Variants in CACNB3 observed in about 807,000 individuals in gnomAD.
CACNB3 encodes the protein voltage-dependent L-type calcium channel subunit beta-3.
Under a neutral mutation model 63.7 loss-of-function variants are expected in CACNB3, and 36 were observed. The ratio of observed to expected loss-of-function variants is 0.57; its 90% CI spans 0.43 to 0.75. The LOEUF (loss-of-function observed/expected upper bound fraction) is 0.75, where lower values mean the gene tolerates loss of function less well. Among genes scored for constraint, CACNB3 ranks in the 30% least tolerant of loss-of-function variants. CACNB3 has a pLI of 0.00. For synonymous variants in CACNB3, 241 were observed against 250.6 expected, an observed-to-expected ratio of 0.96 and a Z score of 0.36; for missense variants, 493 against 648.6, an observed-to-expected ratio of 0.76 and a Z score of 2.61.
chr12:48,826,971 C>A lies in CACNB3; in HGVS notation c.991-3C>A, dbSNP rs1180417759. Reference sequence around the variant, plus strand: ...AACGTTGCGCCTTCCTCCCCCTCCCCAGGAGTCATTTGATGTGATTCTGGA... The same window carrying A: ...AACGTTGCGCCTTCCTCCCCCTCCCAAGGAGTCATTTGATGTGATTCTGGA... On this transcript the variant is annotated splice_polypyrimidine_tract_variant and splice_region_variant and intron_variant, in intron 11 of 12. Transcript: ENST00000301050. The surrounding 1 kb of genome is among the most constrained non-coding windows in gnomAD (Gnocchi z 4.8). 3 of 1,613,936 alleles carry A rather than the reference C, an allele frequency of 1.9e-6. No homozygotes were observed. In the African/African-American group the frequency reaches 4.0e-5, roughly 22 times the overall value.
At chr12:48,815,363 T>G, upstream of CACNB3, 1 of 390,270 alleles carries the variant, frequency 2.6e-6, no homozygotes, top group Non-Finnish European at 4.7e-6. Context: ...GACGTGGGGA[T>G]GGAAGGACAG....
chr12:48,826,435 G>A lies in CACNB3; in HGVS notation c.811G>A (p.Ala271Thr), dbSNP rs748818201. Residue 271 changes from alanine (A) to threonine (T), a missense_variant, in exon 10 of 13, where the codon GCT (alanine) becomes ACT (threonine). Ala to Thr is a moderately conservative substitution (Grantham distance 58, BLOSUM62 0). Transcript: ENST00000301050. This position sits in a 1 kb window ranked among gnomAD's most constrained non-coding sequence, Gnocchi z 4.8. ...ATCCCTGCAGCTAGTAGTGTTGGAC[G>A]CTGACACCATCAACCACCCAGCACA... ...AKSLQLVVLD[A>T]DTINHPAQLA... The A allele has an allele frequency of 5.6e-6, 9 of 1,614,154 alleles. No individual in the cohort carries two copies. Among genetic ancestry groups the A allele is most frequent in the Admixed American group, 1.7e-5 (1 of 60,024 alleles).
chr12:48,819,572 A>G (rs1937735144), intron 1 of CACNB3: 3 of 394,344 alleles, frequency 7.6e-6, no homozygotes, highest in Non-Finnish European at 1.5e-5. Flanking sequence ...TTTCTCTCCC[A>G]GGCTGAAACC....
In CACNB3 at chr12:48,828,139, T is replaced by G. The variant is rs1457250877; in HGVS notation, c.*240T>G. 3 of 572,006 alleles carry G rather than the reference T, an allele frequency of 5.2e-6. No homozygotes were observed. Among genetic ancestry groups the G allele is most frequent in the Non-Finnish European group, 9.4e-6 (3 of 318,990 alleles). 35.4% of individuals were successfully genotyped at this position (572,006 alleles called of 1,614,324 possible). On this transcript the variant is annotated 3_prime_UTR_variant, in exon 13 of 13. Transcript: ENST00000301050. ...CATTCCAGGTACTAGCTGTGTGTTCTGCACCCCTGGCACCTTCCTCTCCTC... is the reference window on the plus strand; with the variant it reads ...CATTCCAGGTACTAGCTGTGTGTTCGGCACCCCTGGCACCTTCCTCTCCTC...
At chr12:48,824,478 C>T in intron 4 of CACNB3, 105 bp downstream of exon 4, 1 of 1,111,850 alleles carries the variant, frequency 9.0e-7, no homozygotes, top group Non-Finnish European at 1.3e-6. Context: ...CCCTGAAATA[C>T]ACATACACGT....
At position 48,827,054 on chromosome 12, in the gene CACNB3, G is replaced by C. The variant is rs1765127460; in HGVS notation, c.1071G>C (p.Trp357Cys). Residue 357 changes from tryptophan (W) to cysteine (C), a missense_variant, in exon 12 of 13, where the codon TGG becomes TGC. Transcript: ENST00000301050. ...TGGCTGAGTACCTGGAGGTTTACTGGCGGGCCACGCACCACCCAGCCCCTG... is the reference window on the plus strand; with the variant it reads ...TGGCTGAGTACCTGGAGGTTTACTGCCGGGCCACGCACCACCCAGCCCCTG... Reference protein sequence around the residue: ...EHLAEYLEVYWRATHHPAPGP... With the variant: ...EHLAEYLEVYCRATHHPAPGP... 1.2e-6 allele frequency: 2 copies of C among 1,613,564 alleles called. No individual in the cohort carries two copies. Among genetic ancestry groups the C allele is most frequent in the African/African-American group, 1.3e-5 (1 of 74,880 alleles).
chr12:48,816,396 G>T (rs1338918642), upstream of CACNB3, among the ~76,000 whole-genome samples: 3 of 152,170 alleles, frequency 2.0e-5, no homozygotes, highest in African/African-American at 7.2e-5. Context: ...ATTGCCCTCA[G>T]CTCTCTCCCT....
In CACNB3 at chr12:48,823,509, G is replaced by A. The variant is rs536620596; in HGVS notation, c.168+43G>A. ...GGGGCAAGACAGGAGGCCAAGCTAGGTGGAAACCTGCACTCGGTCCTAAGT... is the reference window on the plus strand; with the variant it reads ...GGGGCAAGACAGGAGGCCAAGCTAGATGGAAACCTGCACTCGGTCCTAAGT... On this transcript the variant is annotated intron_variant, in intron 2 of 12. Transcript: ENST00000301050. The surrounding 1 kb of genome is among the most constrained non-coding windows in gnomAD (Gnocchi z 4.2). 4.6e-4 allele frequency: 736 copies of A among 1,607,230 alleles called. 11 individuals are homozygous for A. The South Asian group carries it at 7.9e-3, about 17-fold the overall frequency.
At chr12:48,816,895 AC>A, upstream of CACNB3, 1 of 985,472 alleles carries the variant, frequency 1.0e-6, no homozygotes, top group Non-Finnish European at 1.2e-6. Flanking sequence ...GGAGAAGAGC[AC>A]CTTGAGGGTC....
chr12:48,818,732 T>TG lies in CACNB3; in HGVS notation c.-192dup, dbSNP rs567669378. 4.4e-5 allele frequency: 13 copies of TG among 292,204 alleles called. No homozygotes were observed. Among genetic ancestry groups the TG allele is most frequent in the Non-Finnish European group, 6.5e-5 (12 of 184,920 alleles). The allele number at this position is 292,204 out of a possible 1,614,324, so 18.1% of individuals were successfully genotyped here. On this transcript the variant is annotated 5_prime_UTR_variant, in exon 1 of 13. Coordinates refer to ENST00000301050, the MANE Select transcript of CACNB3 (RefSeq NM_000725.4). The surrounding 1 kb of genome is among the most constrained non-coding windows in gnomAD (Gnocchi z 4.3). ...ACCGGCTGGGTTTGGGGGGGTGGGGTGGGGGGAGCGGTGATCTGAGCTCCG... is the reference window on the plus strand; with the variant it reads ...ACCGGCTGGGTTTGGGGGGGTGGGGTGGGGGGGAGCGGTGATCTGAGCTCCG...
In CACNB3 at chr12:48,825,809, T is replaced by A. The variant is rs1485519428; in HGVS notation, c.742+40T>A. On this transcript the variant is annotated intron_variant, in intron 9 of 12. Transcript: ENST00000301050. The surrounding 1 kb of genome is among the most constrained non-coding windows in gnomAD (Gnocchi z 4.5). ...CCACCTGCTTCTGTGCCCACTCAAG[T>A]GCCAGTGAGAACCTTCCTCCTCCCT... The A allele has an allele frequency of 3.5e-6, 5 of 1,425,590 alleles. No homozygotes were observed. In the African/African-American group the frequency reaches 5.6e-5, roughly 16 times the overall value. The allele number at this position is 1,425,590 out of a possible 1,614,324, so 88.3% of individuals were successfully genotyped here. A position where few individuals can be genotyped will look rare whatever the true frequency, so the allele number is the denominator to read the frequency against.
In CACNB3 at chr12:48,823,313, C is replaced by A. The variant is rs750921701; in HGVS notation, c.46-31C>A. ...CTCCATGGCATCCTTCATGCCGGAG[C>A]CTGGGAGTCACAGCCTCTTTCCCAA... On this transcript the variant is annotated intron_variant, in intron 1 of 12. Transcript: ENST00000301050. The surrounding 1 kb of genome is among the most constrained non-coding windows in gnomAD (Gnocchi z 4.2). The A allele has an allele frequency of 6.2e-7, 1 of 1,609,356 alleles. No homozygotes were observed. The highest frequency in any genetic ancestry group is 1.1e-5 in the South Asian group (1 of 90,358).
chr12:48,828,017 C>G lies in CACNB3; in HGVS notation c.*118C>G. On this transcript the variant is annotated 3_prime_UTR_variant, in exon 13 of 13. Coordinates refer to ENST00000301050, the MANE Select transcript of CACNB3 (RefSeq NM_000725.4). ...CACTAGGCTCAGCCCCCAAAACCCC[C>G]TGCCCAGCCCCAGCTTCAGGGCTGC... 1 of 857,792 alleles carries G rather than the reference C, an allele frequency of 1.2e-6. No homozygotes were observed. The highest frequency in any genetic ancestry group is 1.8e-6 in the Non-Finnish European group (1 of 549,892). 53.1% of individuals were successfully genotyped at this position (857,792 alleles called of 1,614,324 possible). A position where few individuals can be genotyped will look rare whatever the true frequency, so the allele number is the denominator to read the frequency against.
At chr12:48,818,466 C>G, upstream of CACNB3, 5 of 992,534 alleles carry the variant, frequency 5.0e-6, no homozygotes, top group Non-Finnish European at 4.8e-6. The surrounding 1 kb of genome is among the most constrained non-coding windows in gnomAD (Gnocchi z 4.3). Context: ...CTCCTCCCTG[C>G]CTGGATCCGC....
chr12:48,817,480 C>T (rs1227947133), upstream of CACNB3, among the ~76,000 whole-genome samples: 1 of 152,140 alleles, frequency 6.6e-6, no homozygotes, highest in African/African-American at 2.4e-5. Flanking sequence ...AAGTGTAACC[C>T]CTGTCTACGC....
chr12:48,826,668 C>T lies in CACNB3; in HGVS notation c.895-91C>T. 7.0e-7 allele frequency: 1 copy of T among 1,422,770 alleles called. No homozygotes were observed. Among genetic ancestry groups the T allele is most frequent in the Non-Finnish European group, 9.9e-7 (1 of 1,010,162 alleles). The allele number at this position is 1,422,770 out of a possible 1,614,324, so 88.1% of individuals were successfully genotyped here. A position where few individuals can be genotyped will look rare whatever the true frequency, so the allele number is the denominator to read the frequency against. ...AGTCATCCTCACCTGCTACTGATGCCACAAGTGGAAGAAATGCCTAGCTCT... is the reference window on the plus strand; with the variant it reads ...AGTCATCCTCACCTGCTACTGATGCTACAAGTGGAAGAAATGCCTAGCTCT... On this transcript the variant is annotated intron_variant, in intron 10 of 12. Coordinates refer to ENST00000301050, the MANE Select transcript of CACNB3 (RefSeq NM_000725.4). This position sits in a 1 kb window ranked among gnomAD's most constrained non-coding sequence, Gnocchi z 4.8.
At position 48,825,695 on chromosome 12, in the gene CACNB3, T is replaced by G. The variant is rs1938094615; in HGVS notation, c.668T>G (p.Leu223Arg). 1 of 1,614,070 alleles carries G rather than the reference T, an allele frequency of 6.2e-7. No individual in the cohort carries two copies. The change falls in exon 9 of 13, where the codon CTG (leucine) becomes CGG (arginine). Residue 223 changes from leucine to arginine, a missense_variant. Leu to Arg is a moderately radical substitution (Grantham distance 102). Transcript: ENST00000301050. This position sits in a 1 kb window ranked among gnomAD's most constrained non-coding sequence, Gnocchi z 4.5. Reference protein sequence around the residue: ...SITRVTADLSLAKRSVLNNPG... With the variant: ...SITRVTADLSRAKRSVLNNPG... Reference sequence around the variant, plus strand: ...ACCCGAGTCACAGCCGACCTCTCCCTGGCAAAGCGATCTGTGCTCAACAAT... The same window carrying G: ...ACCCGAGTCACAGCCGACCTCTCCCGGGCAAAGCGATCTGTGCTCAACAAT...
At chr12:48,827,158 A>G (rs1288557662) in intron 12 of CACNB3, 35 bp downstream of exon 12, 1 of 1,607,456 alleles carries the variant, frequency 6.2e-7, no homozygotes. Context: ...TGCTCAAGCT[A>G]AGCCAGCCAA....
At chr12:48,815,393 C>A, upstream of CACNB3, 1 of 518,082 alleles carries the variant, frequency 1.9e-6, no homozygotes, top group Non-Finnish European at 3.3e-6. Flanking sequence ...CACGGAAAAA[C>A]AGAACGAGGA....
Sources: allele counts gnomAD v4.1 joint callset (sites outside exome capture counted in the v4.1 genomes callset), GRCh38; gene constraint gnomAD v4.1.1; non-coding constraint Gnocchi (gnomAD v3.1); transcripts MANE v1.5; gene names NCBI Gene and HGNC (gene_info 2026-07-23, HGNC 2026-07-21).